NSUN5: variants seen among roughly 807,000 people sequenced by gnomAD.
NSUN5 encodes the protein 28S rRNA (cytosine-C(5))-methyltransferase.
In NSUN5, 39 loss-of-function variants were observed where a neutral mutation model predicts 51.1. That is an observed-to-expected ratio of 0.76 (90% CI 0.59 to 1.00). The LOEUF (loss-of-function observed/expected upper bound fraction) is 1.00, where lower values mean the gene tolerates loss of function less well. Ranked by LOEUF, NSUN5 falls within the 50% of genes least tolerant of loss-of-function variation. The pLI is 0.00. For synonymous variants in NSUN5, 266 were observed against 271.5 expected, an observed-to-expected ratio of 0.98 and a Z score of 0.20; for missense variants, 526 against 614.0, an observed-to-expected ratio of 0.86 and a Z score of 1.51.
At chr7:73,306,144 G>A (rs1367805563) in intron 4 of NSUN5, among the ~76,000 whole-genome samples, 4 of 152,124 alleles carry the variant, frequency 2.6e-5, no homozygotes, top group Non-Finnish European at 5.9e-5. Flanking sequence ...AGCACTTTGG[G>A]AGGCCGAGGC....
At chr7:73,306,154 C>T (rs1186853796) in intron 4 of NSUN5, among the ~76,000 whole-genome samples, 3 of 151,910 alleles carry the variant, frequency 2.0e-5, no homozygotes, top group African/African-American at 7.3e-5. Context: ...GAGGCCGAGG[C>T]GGGCAGATCA....
intron 4 of NSUN5, among the ~76,000 whole-genome samples, chr7:73,305,801 G>A (rs1247995657): frequency 6.6e-6 from 1 of 152,170 alleles, no homozygotes; most frequent in African/African-American, 2.4e-5. Context: ...ATCTGTCAAA[G>A]TGGCAGAGCT....
At chr7:73,305,867 A>C (rs1309229543) in intron 4 of NSUN5, among the ~76,000 whole-genome samples, 2 of 152,158 alleles carry the variant, frequency 1.3e-5, no homozygotes, top group African/African-American at 4.8e-5. Context: ...TCCAAGCAAC[A>C]TGGTAGAGGC....
chr7:73,303,570 C>T lies in NSUN5; in HGVS notation c.1286+30G>A, dbSNP rs782394840. The T allele has an allele frequency of 3.0e-5, 49 of 1,613,824 alleles. No individual in the cohort carries two copies. The East Asian group carries it at 9.6e-4, about 32-fold the overall frequency. On this transcript the variant is annotated intron_variant, in intron 9 of 9. Transcript: ENST00000438747. ...TGTTAGATGTGCCGGTGCCATCCTG[C>T]GCCTCCCAAGCACGCCCCCACTCAC...
rs1554541581 is a variant in NSUN5 at position 73,304,907 on chromosome 7, T to C, written c.640-45A>G. ...AGCCAGGTAAACAGAGACCCCAGGCTAGGCCCTTCCCGTGCCTACACATTC... is the reference window on the plus strand; with the variant it reads ...AGCCAGGTAAACAGAGACCCCAGGCCAGGCCCTTCCCGTGCCTACACATTC... On this transcript the variant is annotated intron_variant, in intron 5 of 9. Coordinates refer to ENST00000438747, the MANE Select transcript of NSUN5 (RefSeq NM_148956.4). 4 of 1,613,358 alleles carry C rather than the reference T, an allele frequency of 2.5e-6. No individual in the cohort carries two copies. In the South Asian group the frequency reaches 4.4e-5, roughly 18 times the overall value.
rs567675516 is a variant in NSUN5 at position 73,302,928 on chromosome 7, T to G, written c.*487A>C. 93 of 1,061,162 alleles carry G rather than the reference T, an allele frequency of 8.8e-5. No homozygotes were observed. The African/African-American group carries it at 1.4e-3, about 16-fold the overall frequency. The allele number at this position is 1,061,162 out of a possible 1,614,324, so 65.7% of individuals were successfully genotyped here. On this transcript the variant is annotated 3_prime_UTR_variant, in exon 10 of 10. Transcript: ENST00000438747. ...CTAAATACCTGTTAGGATTGGAGGG[T>G]CTGGGTGGGCCTGGGCCTAGCAATC...
chr7:73,304,470 C>G, intron 6 of NSUN5, 62 bp from the exon 7 acceptor site: 1 of 1,468,184 alleles, frequency 6.8e-7, no homozygotes, highest in Non-Finnish European at 9.3e-7. Context: ...TCACAGCCAA[C>G]CAGAACATGC....
Position 73,303,886 on chromosome 7 carries a change from C to T in NSUN5, c.1085G>A (p.Cys362Tyr). ...QRLVYSTCSL[C>Y]QEENEDVVRD... ...CACCACGTCTTCATTCTCCTCCTGG[C>T]AGAGGGAGCACGTGGAGTAGACGAG... The change falls in exon 8 of 10, where the codon TGC (cysteine) becomes TAC (tyrosine). Residue 362 changes from cysteine to tyrosine, a missense_variant. By Grantham distance (194) the Cys-to-Tyr change is radical. Coordinates refer to ENST00000438747, the MANE Select transcript of NSUN5 (RefSeq NM_148956.4). The T allele has an allele frequency of 1.2e-6, 2 of 1,613,846 alleles. No homozygotes were observed. The highest frequency in any genetic ancestry group is 1.7e-5 in the Admixed American group (1 of 59,996).
chr7:73,308,358 G>A lies in NSUN5; in HGVS notation c.216+73C>T, dbSNP rs199931164. ...ACTTGCTCCAGTCCCGCCGTGCACG[G>A]CAGCAGAGCTGAGACCAGATGACAA... On this transcript the variant is annotated intron_variant, in intron 2 of 9. Transcript: ENST00000438747. The A allele has an allele frequency of 2.2e-3, 3,287 of 1,511,210 alleles. 6 individuals are homozygous for A. The highest frequency in any genetic ancestry group is 2.5e-3 in the Non-Finnish European group (2,824 of 1,126,964). The allele number at this position is 1,511,210 out of a possible 1,614,324, so 93.6% of individuals were successfully genotyped here.
chr7:73,306,933 T>C (rs782223395), intron 4 of NSUN5, among the ~76,000 whole-genome samples: 18 of 151,842 alleles, frequency 1.2e-4, no homozygotes, highest in Middle Eastern at 3.4e-3. Context: ...AGTAAATGAT[T>C]GGAGGGAGGA....
chr7:73,306,791 G>A (rs1205443834), intron 4 of NSUN5, among the ~76,000 whole-genome samples: 1 of 152,084 alleles, frequency 6.6e-6, no homozygotes, highest in Non-Finnish European at 1.5e-5. Flanking sequence ...TGAGGCAGGA[G>A]CATCGCTTGA....
intron 2 of NSUN5, 166 bp from the exon 3 acceptor site, chr7:73,307,923 G>C (rs1177957629): frequency 3.0e-6 from 2 of 667,032 alleles, no homozygotes; most frequent in Non-Finnish European, 2.5e-6. Flanking sequence ...ATTAACTACA[G>C]AACAGGATCG....
rs1554541416 is a variant in NSUN5, at chr7:73,304,225, C to T, written c.934+5G>A. On this transcript the variant is annotated splice_donor_5th_base_variant and intron_variant, in intron 7 of 9. Coordinates refer to ENST00000438747, the MANE Select transcript of NSUN5 (RefSeq NM_148956.4). Reference sequence around the variant, plus strand: ...TCCCTCGGCCACGCTTTCTCGCCATCTCACCCGAGCCACTGCAGGAAGGAT... The same window carrying T: ...TCCCTCGGCCACGCTTTCTCGCCATTTCACCCGAGCCACTGCAGGAAGGAT... The T allele has an allele frequency of 3.7e-6, 6 of 1,603,034 alleles. No homozygotes were observed. The highest frequency in any genetic ancestry group is 5.1e-6 in the Non-Finnish European group (6 of 1,174,030).
At chr7:73,307,902 T>G in intron 2 of NSUN5, 145 bp from the exon 3 acceptor site, 4 of 739,750 alleles carry the variant, frequency 5.4e-6, no homozygotes, top group Non-Finnish European at 8.7e-6. Flanking sequence ...TTATCCAAGA[T>G]CACACCAGAA....
Position 73,303,986 on chromosome 7 carries a change from C to T in NSUN5, c.985G>A (p.Val329Met). ...EEPGAGTPSP[V>M]RLHALAGFQQ... ...AACCCTGCCAGGGCATGCAGACGCA[C>T]CGGGCTAGGTGTGCCTGCCCCGGGC... The change falls in exon 8 of 10, where the codon GTG becomes ATG. Residue 329 changes from valine (V) to methionine (M), a missense_variant. Physicochemically the swap from Val to Met is conservative, Grantham distance 21. Coordinates refer to ENST00000438747, the MANE Select transcript of NSUN5 (RefSeq NM_148956.4). The T allele has an allele frequency of 1.2e-6, 2 of 1,614,186 alleles. No individual in the cohort carries two copies. Among genetic ancestry groups the T allele is most frequent in the African/African-American group, 1.3e-5 (1 of 75,062 alleles).
At chr7:73,305,903 T>C (rs1804020003) in intron 4 of NSUN5, among the ~76,000 whole-genome samples, 2 of 150,530 alleles carry the variant, frequency 1.3e-5, no homozygotes, top group Admixed American at 1.3e-4. Flanking sequence ...TTACAAAGAG[T>C]AGGAGAAAGG....
intron 2 of NSUN5, chr7:73,307,978 A>G (rs1380104138): frequency 5.3e-6 from 3 of 562,826 alleles, no homozygotes; most frequent in Non-Finnish European, 9.4e-6. Flanking sequence ...TTCTCCACCG[A>G]TGTTCACCAG....
chr7:73,305,550 C>T (rs1414135327), intron 4 of NSUN5, among the ~76,000 whole-genome samples: 6 of 151,170 alleles, frequency 4.0e-5, no homozygotes, highest in Admixed American at 4.0e-4. Flanking sequence ...CTGCAAGCTC[C>T]ACCTCCCGGG....
chr7:73,303,677 G>A lies in NSUN5; in HGVS notation c.1209C>T (p.His403=), dbSNP rs1554541137. Residue 403 remains histidine (H), a synonymous_variant, in exon 9 of 10, where the codon CAC becomes CAT. Transcript: ENST00000438747. ...RGLSTFPGAE[H]CLRASPETTL... Reference sequence around the variant, plus strand: ...TGGTCTCAGGGGAGGCCCGGAGGCAGTGCTCGGCACCCGGGAACGTGCTCA... The same window carrying A: ...TGGTCTCAGGGGAGGCCCGGAGGCAATGCTCGGCACCCGGGAACGTGCTCA... 1 of 1,614,188 alleles carries A rather than the reference G, an allele frequency of 6.2e-7. No homozygotes were observed.
Sources: gnomAD v4.1 joint callset for allele counts (sites outside exome capture counted in the v4.1 genomes callset) on GRCh38, gnomAD v4.1.1 for gene constraint, MANE v1.5 for transcripts, NCBI Gene and HGNC (gene_info 2026-07-23, HGNC 2026-07-21) for gene names.